Variants in CAT observed in about 807,000 individuals in gnomAD.
CAT encodes the protein epididymis secretory sperm binding protein.
Under a neutral mutation model 59.0 loss-of-function variants are expected in CAT, and 43 were observed. The observed-to-expected ratio is 0.73, with a 90% confidence interval of 0.57 to 0.94. The LOEUF (loss-of-function observed/expected upper bound fraction) is 0.94, where lower values mean the gene tolerates loss of function less well. Among genes scored for constraint, CAT ranks in the 40% least tolerant of loss-of-function variants. The probability of loss-of-function intolerance (pLI) is 0.00; values close to 1 mark genes in which losing one functional copy is unlikely to be tolerated. For synonymous variants in CAT, 218 were observed against 230.9 expected (o/e 0.94, Z 0.51); for missense variants, 664 against 682.9 (o/e 0.97, Z 0.31).
At chr11:34,452,395 G>C (rs1463144849) in intron 4 of CAT, among the ~76,000 whole-genome samples, 188 bp downstream of exon 4, 1 of 152,132 alleles carries the variant, frequency 6.6e-6, no homozygotes. Flanking sequence ...ATTGGTCTTA[G>C]ATTTGTCATT....
chr11:34,452,716 G>A (rs903690518), intron 4 of CAT, among the ~76,000 whole-genome samples: 1 of 152,048 alleles, frequency 6.6e-6, no homozygotes, highest in African/African-American at 2.4e-5. Context: ...TTAGCCAAGT[G>A]TGGTGGCTCA....
At position 34,468,322 on chromosome 11, in the gene CAT, A is replaced by T. The variant is rs1464386611; in HGVS notation, c.1361A>T (p.Glu454Val). Residue 454 changes from glutamate (E) to valine (V), a missense_variant, in exon 11 of 13, where the codon GAA (glutamate) becomes GTA (valine). Transcript: ENST00000241052. The part of the protein sequence containing the change: ...RAFYVNVLNE[E>V]QRKRLCENIA... ...TTCTATGTGAACGTGCTGAATGAGGAACAGAGGAAACGTCTGTGTGAGAAC... is the reference window on the plus strand; with the variant it reads ...TTCTATGTGAACGTGCTGAATGAGGTACAGAGGAAACGTCTGTGTGAGAAC... 5.0e-6 allele frequency: 8 copies of T among 1,613,914 alleles called. No homozygotes were observed. Among genetic ancestry groups the T allele is most frequent in the Non-Finnish European group, 5.9e-6 (7 of 1,179,978 alleles).
At chr11:34,471,123 C>T (rs1305271553) in intron 12 of CAT, 82 bp downstream of exon 12, 37 of 1,184,274 alleles carry the variant, frequency 3.1e-5, no homozygotes, top group Non-Finnish European at 3.8e-5. Context: ...CTTAGCATTA[C>T]AGTCTGCAGG....
chr11:34,457,456 C>T (rs1033002675), intron 8 of CAT, among the ~76,000 whole-genome samples: 10 of 152,196 alleles, frequency 6.6e-5, no homozygotes, highest in Middle Eastern at 3.4e-3. Flanking sequence ...ATCTGCCTGC[C>T]TCCGCCTCCC....
At chr11:34,464,072 T>C (rs1856684015) in intron 9 of CAT, 33 bp from the exon 10 acceptor site, 1 of 1,613,488 alleles carries the variant, frequency 6.2e-7, no homozygotes. Flanking sequence ...CTTTTCTTAT[T>C]CCTAAGTGCA....
In CAT at chr11:34,471,791, G is replaced by A. The variant is rs1362870172; in HGVS notation, c.*358G>A. The A allele has an allele frequency of 4.3e-6, 1 of 233,900 alleles. No homozygotes were observed. Among genetic ancestry groups the A allele is most frequent in the Non-Finnish European group, 8.6e-6 (1 of 116,482 alleles). 14.5% of individuals were successfully genotyped at this position (233,900 alleles called of 1,614,324 possible). ...TCATGGCCTATTATATTAAAATATG[G>A]CTATAAATATATAAAAAGAAAAGAT... is the stretch of plus-strand genomic sequence containing the variant. On this transcript the variant is annotated 3_prime_UTR_variant, in exon 13 of 13. Coordinates refer to ENST00000241052, the MANE Select transcript of CAT (RefSeq NM_001752.4).
At chr11:34,456,518 A>G (rs545474273) in intron 7 of CAT, 147 bp from the exon 8 acceptor site, 2 of 799,542 alleles carry the variant, frequency 2.5e-6, no homozygotes, top group African/African-American at 3.4e-5. Context: ...GATTTAACTA[A>G]GGCACTCATC....
At chr11:34,471,312 T>C (rs1856770041) in intron 12 of CAT, 56 bp from the exon 13 acceptor site, 1 of 1,305,780 alleles carries the variant, frequency 7.7e-7, no homozygotes, top group South Asian at 1.2e-5. Flanking sequence ...ACTGAGTAAA[T>C]ATCACGTTGC....
chr11:34,456,182 A>G lies in CAT; in HGVS notation c.883A>G (p.Asn295Asp), dbSNP rs1367294066. 3 of 1,613,726 alleles carry G rather than the reference A, an allele frequency of 1.9e-6. No individual in the cohort carries two copies. The South Asian group carries it at 3.3e-5, about 18-fold the overall frequency. ...TAATCAGGCAGAAACTTTTCCATTT[A>G]ATCCATTCGATCTCACCAAGGTGAG... is the stretch of plus-strand genomic sequence containing the variant. Reference protein sequence around the residue: ...TFNQAETFPFNPFDLTKVWPH... With the variant: ...TFNQAETFPFDPFDLTKVWPH... The change falls in exon 7 of 13, where the codon AAT becomes GAT. Residue 295 changes from asparagine to aspartate, a missense_variant. By Grantham distance (23) the Asn-to-Asp change is conservative. Coordinates refer to ENST00000241052, the MANE Select transcript of CAT (RefSeq NM_001752.4).
intron 1 of CAT, among the ~76,000 whole-genome samples, chr11:34,447,543 G>GT (rs1275897352): frequency 1.3e-5 from 2 of 152,156 alleles, no homozygotes; most frequent in Non-Finnish European, 2.9e-5. Context: ...TGACTGGGTG[G>GT]TAAGTGTTGA....
At chr11:34,447,537 T>TGGGTGG (rs1347773790) in intron 1 of CAT, among the ~76,000 whole-genome samples, 1 of 152,172 alleles carries the variant, frequency 6.6e-6, no homozygotes, top group Admixed American at 6.5e-5. Flanking sequence ...GTGATGTGAC[T>TGGGTGG]GGGTGGTAAG....
At chr11:34,439,813 A>G (rs560009271) in intron 1 of CAT, among the ~76,000 whole-genome samples, 2 of 152,242 alleles carry the variant, frequency 1.3e-5, no homozygotes, top group Non-Finnish European at 2.9e-5. Flanking sequence ...GACGAGACAC[A>G]TAAACAGATG....
chr11:34,451,196 C>A, intron 3 of CAT, 98 bp downstream of exon 3: 1 of 801,076 alleles, frequency 1.2e-6, no homozygotes, highest in Non-Finnish European at 2.3e-6. Context: ...AAATAGGAAG[C>A]AAGCACTTCT....
At chr11:34,456,839 G>A (rs1178641873) in intron 8 of CAT, 22 bp downstream of exon 8, 5 of 1,613,630 alleles carry the variant, frequency 3.1e-6, no homozygotes, top group Non-Finnish European at 4.2e-6. Flanking sequence ...GGATTGAGAT[G>A]TTCTGAGGCA....
chr11:34,456,189 T>C lies in CAT; in HGVS notation c.890T>C (p.Phe297Ser). The C allele has an allele frequency of 6.2e-7, 1 of 1,613,556 alleles. No individual in the cohort carries two copies. Among genetic ancestry groups the C allele is most frequent in the Non-Finnish European group, 8.5e-7 (1 of 1,179,588 alleles). ...GCAGAAACTTTTCCATTTAATCCAT[T>C]CGATCTCACCAAGGTGAGTCAGTAA... ...NQAETFPFNP[F>S]DLTKVWPHKD... Residue 297 changes from phenylalanine to serine, a missense_variant, in exon 7 of 13, where the codon TTC becomes TCC. Transcript: ENST00000241052.
At chr11:34,442,674 G>A (rs1016260006) in intron 1 of CAT, among the ~76,000 whole-genome samples, 1 of 152,198 alleles carries the variant, frequency 6.6e-6, no homozygotes, top group African/African-American at 2.4e-5. Context: ...GAAGGAGGTG[G>A]GTGGGTGCTC....
At chr11:34,442,939 C>G (rs987190084) in intron 1 of CAT, among the ~76,000 whole-genome samples, 5 of 152,194 alleles carry the variant, frequency 3.3e-5, no homozygotes, top group Non-Finnish European at 7.3e-5. Context: ...GCGTACATTT[C>G]ATATTTGGTG....
At chr11:34,451,942 C>G (rs1048748752) in intron 3 of CAT, 135 bp from the exon 4 acceptor site, 3 of 834,232 alleles carry the variant, frequency 3.6e-6, no homozygotes, top group Non-Finnish European at 6.1e-6. Context: ...AATAATAACC[C>G]GGGCACTTAA....
Position 34,457,041 on chromosome 11 carries a change from TACA to T in CAT, c.1056+225_1056+227del, listed in dbSNP as rs1232826381. On this transcript the variant is annotated intron_variant, in intron 8 of 12. Transcript: ENST00000241052. Reference sequence around the variant, plus strand: ...AAACAAAAGTCCATGGTAAGATCCCTACATATGTGAAGACAAGAATACTTACTC... The same window carrying T: ...AAACAAAAGTCCATGGTAAGATCCCTTATGTGAAGACAAGAATACTTACTC... 7 of 318,838 alleles carry T rather than the reference TACA, an allele frequency of 2.2e-5. 1 individual carries two copies. Among genetic ancestry groups the T allele is most frequent in the Admixed American group, 1.7e-4 (3 of 17,662 alleles). 19.8% of individuals were successfully genotyped at this position (318,838 alleles called of 1,614,324 possible). A position where few individuals can be genotyped will look rare whatever the true frequency, so the allele number is the denominator to read the frequency against.
Sources: gnomAD v4.1 joint callset for allele counts (sites outside exome capture counted in the v4.1 genomes callset) on GRCh38, gnomAD v4.1.1 for gene constraint, MANE v1.5 for transcripts, NCBI Gene and HGNC (gene_info 2026-07-23, HGNC 2026-07-21) for gene names.